ITGA1: variants seen among roughly 807,000 people sequenced by gnomAD.
The protein encoded by ITGA1 is integrin alpha-1.
Under a neutral mutation model 145.9 loss-of-function variants are expected in ITGA1, and 85 were observed. The ratio of observed to expected loss-of-function variants is 0.58; its 90% CI spans 0.49 to 0.70. The LOEUF (loss-of-function observed/expected upper bound fraction) is 0.70. ITGA1 is among the 30% of genes least tolerant of loss of function. The pLI, the probability that ITGA1 is intolerant of heterozygous loss-of-function variation, is 0.00. For synonymous variants in ITGA1, 520 were observed against 495.3 expected, an observed-to-expected ratio of 1.05 and a Z score of -0.66; for missense variants, 1,351 against 1,418.7, an observed-to-expected ratio of 0.95 and a Z score of 0.77.
intron 14 of ITGA1, among the ~76,000 whole-genome samples, chr5:52,910,932 TG>T (rs1481073510): frequency 7.3e-6 from 1 of 136,816 alleles, no homozygotes; most frequent in Non-Finnish European, 1.5e-5. Flanking sequence ...ATAGTATATA[TG>T]GTATGTATAC....
chr5:52,828,816 T>A (rs991603280), intron 1 of ITGA1, among the ~76,000 whole-genome samples: 10 of 152,216 alleles, frequency 6.6e-5, no homozygotes, highest in African/African-American at 2.4e-4. Context: ...GAAGCCTCTA[T>A]GGGAGAATCA....
intron 14 of ITGA1, among the ~76,000 whole-genome samples, chr5:52,911,355 T>C (rs954801178): frequency 5.2e-5 from 7 of 134,898 alleles, no homozygotes; most frequent in Non-Finnish European, 1.1e-4. Context: ...ATATAGTGTA[T>C]ATATAGTGTA....
Position 52,922,993 on chromosome 5 carries a change from A to T in ITGA1, c.2403+106A>T, listed in dbSNP as rs1457032546. 8 of 642,218 alleles carry T rather than the reference A, an allele frequency of 1.2e-5. No individual in the cohort carries two copies. The South Asian group carries it at 1.6e-4, about 13-fold the overall frequency. The allele number at this position is 642,218 out of a possible 1,614,324, so 39.8% of individuals were successfully genotyped here. A position where few individuals can be genotyped will look rare whatever the true frequency, so the allele number is the denominator to read the frequency against. On this transcript the variant is annotated intron_variant, in intron 18 of 28. Transcript: ENST00000282588. Reference sequence around the variant, plus strand: ...TCTGCATTGATCACAAAGAACGAACAACTAACTGGAAGAAAGAAAAAAAAG... The same window carrying T: ...TCTGCATTGATCACAAAGAACGAACTACTAACTGGAAGAAAGAAAAAAAAG...
At chr5:52,874,078 T>C (rs1049792552) in intron 6 of ITGA1, among the ~76,000 whole-genome samples, 4 of 139,078 alleles carry the variant, frequency 2.9e-5, no homozygotes, top group Non-Finnish European at 6.3e-5. Context: ...AAAAAAAAGG[T>C]GGATTATTTA....
intron 15 of ITGA1, among the ~76,000 whole-genome samples, chr5:52,917,994 T>C (rs946738251): frequency 6.6e-6 from 1 of 152,204 alleles, no homozygotes; most frequent in Non-Finnish European, 1.5e-5. Context: ...GCAGTAATTG[T>C]TCCGGCTTGG....
intron 1 of ITGA1, among the ~76,000 whole-genome samples, chr5:52,799,432 G>A (rs1213340061): frequency 6.6e-6 from 1 of 152,186 alleles, no homozygotes; most frequent in Non-Finnish European, 1.5e-5. Context: ...CTACTGGGCT[G>A]CGGAAAGCTG....
At chr5:52,861,298 C>T in intron 2 of ITGA1, 149 bp from the exon 3 acceptor site, 2 of 608,002 alleles carry the variant, frequency 3.3e-6, no homozygotes, top group Non-Finnish European at 5.9e-6. Flanking sequence ...AGGCTCTCTG[C>T]TTAGTTTACA....
intron 6 of ITGA1, among the ~76,000 whole-genome samples, chr5:52,871,562 G>A (rs979956277): frequency 1.4e-4 from 21 of 151,706 alleles, no homozygotes; most frequent in African/African-American, 4.8e-4. Context: ...AAAAGGCAGA[G>A]TCAAAGATAT....
At chr5:52,792,369 G>A (rs192085490) in intron 1 of ITGA1, among the ~76,000 whole-genome samples, 40 of 152,292 alleles carry the variant, frequency 2.6e-4, no homozygotes, top group African/African-American at 9.4e-4. Flanking sequence ...GGTGAAAATT[G>A]TCTTACTCAT....
chr5:52,824,293 CT>C (rs34682943), intron 1 of ITGA1: 440 of 134,118 alleles, frequency 3.3e-3, no homozygotes, highest in East Asian at 5.9e-3. Context: ...TCTTTTCTTT[CT>C]TTTTTTTTTT....
chr5:52,808,568 G>C (rs1554041022), intron 1 of ITGA1, among the ~76,000 whole-genome samples: 1 of 150,496 alleles, frequency 6.6e-6, no homozygotes, highest in Non-Finnish European at 1.5e-5. Flanking sequence ...TTTTAATCTT[G>C]TGTTTCAGCT....
intron 8 of ITGA1, among the ~76,000 whole-genome samples, chr5:52,888,621 G>A (rs1374478827): frequency 6.6e-6 from 1 of 152,238 alleles, no homozygotes; most frequent in Middle Eastern, 3.2e-3. Flanking sequence ...GACCTAAAAT[G>A]TAGACATTCT....
chr5:52,952,324 AAATTT>A, intron 28 of ITGA1, 78 bp from the exon 29 acceptor site: 3 of 684,224 alleles, frequency 4.4e-6, no homozygotes, highest in African/African-American at 1.9e-5. Flanking sequence ...ATATACTATT[AAATTT>A]AATTCTATCC....
At chr5:52,944,346 A>T (rs932620497) in intron 26 of ITGA1, among the ~76,000 whole-genome samples, 2 of 152,118 alleles carry the variant, frequency 1.3e-5, no homozygotes, top group Non-Finnish European at 1.5e-5. Flanking sequence ...CTTCTCCAGG[A>T]GCCATTTAGG....
chr5:52,801,834 G>A, intron 1 of ITGA1: 2 of 1,584,398 alleles, frequency 1.3e-6, no homozygotes, highest in Non-Finnish European at 1.7e-6. Flanking sequence ...GTTCTGAAGA[G>A]GATTAATGAT....
rs559800133 is a variant in ITGA1, at chr5:52,951,263, T to C, written c.3496-1144T>C. On this transcript the variant is annotated intron_variant, in intron 28 of 28. Coordinates refer to ENST00000282588, the MANE Select transcript of ITGA1 (RefSeq NM_181501.2). ...GAATTAACTCATTGCCTTTGCTCGA[T>C]CTATTATAGCCCCCTCTCAAATTTA... is the stretch of plus-strand genomic sequence containing the variant. 5.3e-5 allele frequency among the ~76,000 whole-genome samples: 8 copies of C among 152,314 alleles called. No homozygotes were observed. In the East Asian group the frequency reaches 9.6e-4, roughly 18 times the overall value.
At chr5:52,907,455 C>A (rs1021759950) in intron 12 of ITGA1, among the ~76,000 whole-genome samples, 5 of 152,018 alleles carry the variant, frequency 3.3e-5, no homozygotes, top group Non-Finnish European at 7.4e-5. Flanking sequence ...CAAGAAGTGT[C>A]AAATTTTATG....
At chr5:52,910,463 C>A in intron 14 of ITGA1, 44 bp downstream of exon 14, 1 of 1,581,554 alleles carries the variant, frequency 6.3e-7, no homozygotes, top group South Asian at 1.1e-5. Context: ...AGTGATAAGT[C>A]GGTTCAATGC....
rs750442388 is a variant in ITGA1, at chr5:52,800,610, C to A, written c.61+12196C>A. ...CCCTCACTCTCTGCGTGGAGGCCAT[C>A]GACTTCGACTCTCAAGCCTGCCAGC... On this transcript the variant is annotated intron_variant, in intron 1 of 28. Coordinates refer to ENST00000282588, the MANE Select transcript of ITGA1 (RefSeq NM_181501.2). The A allele has an allele frequency of 3.1e-6, 5 of 1,613,724 alleles. No homozygotes were observed. The South Asian group carries it at 5.5e-5, about 18-fold the overall frequency.
Sources: gnomAD v4.1 joint callset for allele counts (sites outside exome capture counted in the v4.1 genomes callset) on GRCh38, gnomAD v4.1.1 for gene constraint, MANE v1.5 for transcripts, NCBI Gene and HGNC (gene_info 2026-07-23, HGNC 2026-07-21) for gene names.